Variants in PLCB1 observed in about 807,000 individuals in gnomAD.
PLCB1 encodes phospholipase C beta 1.
In PLCB1, 46 loss-of-function variants were observed where a neutral mutation model predicts 161.8. That is an observed-to-expected ratio of 0.28 (90% confidence interval 0.22 to 0.36). PLCB1 has a LOEUF of 0.36. PLCB1 is among the 10% of genes least tolerant of loss of function. PLCB1 has a pLI of 1.00. For missense variants in PLCB1, 1,016 were observed against 1,472.5 expected, an observed-to-expected ratio of 0.69 and a Z score of 5.07; for synonymous variants, 517 against 503.7, an observed-to-expected ratio of 1.03 and a Z score of -0.35.
chr20:8,862,186 A>G (rs1040757025), intron 31 of PLCB1, among the ~76,000 whole-genome samples: 40 of 152,160 alleles, frequency 2.6e-4, no homozygotes, highest in African/African-American at 9.7e-4. Context: ...TTTTGAATAT[A>G]CTCACTATGT....
chr20:8,818,594 C>T (rs1317972031), intron 31 of PLCB1, among the ~76,000 whole-genome samples: 1 of 152,058 alleles, frequency 6.6e-6, no homozygotes. Flanking sequence ...TTATAAAAAT[C>T]CATTTCATTT....
intron 31 of PLCB1, among the ~76,000 whole-genome samples, chr20:8,872,691 G>A (rs1475758419): frequency 3.3e-5 from 5 of 152,088 alleles, no homozygotes; most frequent in African/African-American, 1.2e-4. Flanking sequence ...ACTCATTCAT[G>A]GGTTTCTAAT....
At chr20:8,377,261 G>C (rs945127614) in intron 3 of PLCB1, among the ~76,000 whole-genome samples, 5 of 152,168 alleles carry the variant, frequency 3.3e-5, no homozygotes, top group Admixed American at 6.5e-5. Flanking sequence ...TATATGAGTA[G>C]AGACATGAAC....
chr20:8,559,134 A>G (rs1046109867), intron 3 of PLCB1, among the ~76,000 whole-genome samples: 5 of 151,940 alleles, frequency 3.3e-5, no homozygotes, highest in South Asian at 4.1e-4. Context: ...ATAAAAATCT[A>G]TGTTAGTTTA....
At chr20:8,568,874 A>G (rs1230820588) in intron 3 of PLCB1, among the ~76,000 whole-genome samples, 1 of 152,140 alleles carries the variant, frequency 6.6e-6, no homozygotes, top group East Asian at 1.9e-4. Context: ...AAATAGAGAG[A>G]AGGAAAGGCA....
intron 9 of PLCB1, among the ~76,000 whole-genome samples, chr20:8,672,585 T>C (rs912059895): frequency 1.3e-5 from 2 of 152,078 alleles, no homozygotes; most frequent in South Asian, 2.1e-4. Context: ...CATCCAGATA[T>C]GCATACCGAG....
intron 23 of PLCB1, among the ~76,000 whole-genome samples, chr20:8,741,876 G>T (rs1412822767): frequency 6.6e-6 from 1 of 152,206 alleles, no homozygotes; most frequent in Non-Finnish European, 1.5e-5. Context: ...TAAAGGTGAT[G>T]AACGCATTTA....
chr20:8,795,483 G>A (rs902484215), intron 31 of PLCB1, among the ~76,000 whole-genome samples: 8 of 152,096 alleles, frequency 5.3e-5, no homozygotes, highest in Admixed American at 1.3e-4. Context: ...AGAAACATTC[G>A]ACTGCATGTT....
At chr20:8,241,868 G>A (rs946595198) in intron 2 of PLCB1, among the ~76,000 whole-genome samples, 2 of 151,988 alleles carry the variant, frequency 1.3e-5, no homozygotes, top group Non-Finnish European at 1.5e-5. Context: ...TTAGATGATT[G>A]AAGGAGGAGG....
At chr20:8,539,616 TTTTCTTTCTTTCTTTCTTTC>T (rs34024831) in intron 3 of PLCB1, among the ~76,000 whole-genome samples, 9 of 97,294 alleles carry the variant, frequency 9.3e-5, no homozygotes, top group African/African-American at 1.2e-4. Context: ...CTTTTCTTTA[TTTTCTTTCTTTCTTTCTTTC>T]TTTCTTTCTT....
intron 3 of PLCB1, among the ~76,000 whole-genome samples, chr20:8,396,384 C>G (rs1987768348): frequency 6.6e-6 from 1 of 152,048 alleles, no homozygotes; most frequent in African/African-American, 2.4e-5. Flanking sequence ...GTATTAGTTG[C>G]ATGTGGCAAA....
At chr20:8,794,976 C>A (rs1983945965) in intron 31 of PLCB1, among the ~76,000 whole-genome samples, 1 of 152,212 alleles carries the variant, frequency 6.6e-6, no homozygotes, top group African/African-American at 2.4e-5. Context: ...GTTTACTCAA[C>A]AATGGGCATG....
chr20:8,852,174 G>A (rs1986912031), intron 31 of PLCB1, among the ~76,000 whole-genome samples: 1 of 152,060 alleles, frequency 6.6e-6, no homozygotes, highest in African/African-American at 2.4e-5. Flanking sequence ...CCACATCTGG[G>A]GTTACTAAGT....
chr20:8,502,971 A>T (rs1220365766), intron 3 of PLCB1, among the ~76,000 whole-genome samples: 1 of 152,120 alleles, frequency 6.6e-6, no homozygotes, highest in Non-Finnish European at 1.5e-5. Flanking sequence ...CTCTTCATCA[A>T]TCCTGGGGAT....
At chr20:8,245,226 T>C (rs976218574) in intron 2 of PLCB1, among the ~76,000 whole-genome samples, 2 of 151,878 alleles carry the variant, frequency 1.3e-5, no homozygotes, top group African/African-American at 4.8e-5. Flanking sequence ...ACCTCTCTAT[T>C]GTCACAACCT....
intron 3 of PLCB1, among the ~76,000 whole-genome samples, chr20:8,442,621 TA>T (rs1980610803): frequency 6.6e-6 from 1 of 152,230 alleles, no homozygotes. Flanking sequence ...TGAATATCTG[TA>T]ACAAAGGGTT....
chr20:8,388,976 G>A (rs572258940), intron 3 of PLCB1, among the ~76,000 whole-genome samples: 4 of 152,220 alleles, frequency 2.6e-5, no homozygotes, highest in Admixed American at 2.6e-4. Context: ...TGGTTCCCTT[G>A]GCAGATGTTT....
At chr20:8,253,340 G>A (rs749242087) in intron 2 of PLCB1, among the ~76,000 whole-genome samples, 8 of 151,754 alleles carry the variant, frequency 5.3e-5, no homozygotes, top group Non-Finnish European at 8.8e-5. Flanking sequence ...CATTTCATTG[G>A]CACCCTTGTC....
chr20:8,136,501 C>A (rs1415097606), intron 1 of PLCB1, among the ~76,000 whole-genome samples: 3 of 151,958 alleles, frequency 2.0e-5, no homozygotes, highest in African/African-American at 7.3e-5. Context: ...TGGCGGGCGC[C>A]TGTAGTCCCA....
Sources: allele counts gnomAD v4.1 joint callset (sites outside exome capture counted in the v4.1 genomes callset), GRCh38; gene constraint gnomAD v4.1.1; transcripts MANE v1.5; gene names NCBI Gene and HGNC (gene_info 2026-07-23, HGNC 2026-07-21).